AXIN1: variants seen among roughly 807,000 people sequenced by gnomAD.
The protein encoded by AXIN1 is axin-1.
Under a neutral mutation model 76.4 loss-of-function variants are expected in AXIN1, and 30 were observed. That is an observed-to-expected ratio of 0.39 (90% CI 0.29 to 0.53). The LOEUF (loss-of-function observed/expected upper bound fraction) is 0.53, where lower values mean the gene tolerates loss of function less well. AXIN1 is among the 20% of genes least tolerant of loss of function. AXIN1 has a pLI of 0.66. For synonymous variants in AXIN1, 545 were observed against 501.4 expected (o/e 1.09, Z -1.16); for missense variants, 1,140 against 1,198.8 (o/e 0.95, Z 0.72).
In AXIN1 at chr16:310,071, T is replaced by C. The variant is rs777975737; in HGVS notation, c.1020-2A>G. 6.2e-7 allele frequency: 1 copy of C among 1,607,592 alleles called. No homozygotes were observed. The highest frequency in any genetic ancestry group is 8.5e-7 in the Non-Finnish European group (1 of 1,177,512). On this transcript the variant is annotated splice_acceptor_variant, in intron 3 of 10. Transcript: ENST00000262320. LOFTEE classifies it high-confidence loss of function. ...ATCCTGTATGGGGGGATCCCATCCC[T>C]GTCCAGGAGAAAGAGGCAGCCGTTA... is the stretch of plus-strand genomic sequence containing the variant.
At chr16:314,503 T>G (rs756033619) in intron 3 of AXIN1, 40 bp downstream of exon 3, 2 of 1,612,066 alleles carry the variant, frequency 1.2e-6, no homozygotes, top group South Asian at 2.2e-5. Context: ...ACTTACACAC[T>G]GCTGTCCGTG....
chr16:292,342 G>C (rs749202236), intron 8 of AXIN1: 1 of 152,298 alleles, frequency 6.6e-6, no homozygotes, highest in Non-Finnish European at 1.5e-5. Flanking sequence ...CTTTGGGTTT[G>C]AGGTAACTGT....
At chr16:328,533 T>TA (rs1036592793) in intron 2 of AXIN1, among the ~76,000 whole-genome samples, 97 of 119,028 alleles carry the variant, frequency 8.1e-4, no homozygotes, top group African/African-American at 8.9e-4. Flanking sequence ...CCATCTCTAC[T>TA]AAAAAAAAAA....
intron 2 of AXIN1, among the ~76,000 whole-genome samples, chr16:337,007 G>A (rs1457916318): frequency 7.3e-5 from 11 of 150,496 alleles, no homozygotes; most frequent in Admixed American, 2.0e-4. Context: ...AAAATTAGCC[G>A]GGCATGGTGG....
chr16:305,544 T>G (rs1490864741), intron 4 of AXIN1, among the ~76,000 whole-genome samples: 1 of 152,122 alleles, frequency 6.6e-6, no homozygotes, highest in Admixed American at 6.5e-5. Context: ...GTTTTTGGTT[T>G]TTTTTGTTTT....
intron 9 of AXIN1, chr16:290,954 C>G (rs2052540467): frequency 1.7e-6 from 1 of 583,776 alleles, no homozygotes; most frequent in Non-Finnish European, 3.1e-6. Context: ...AGGCCTCCAG[C>G]CGGGCCTTTT....
chr16:338,349 TG>T (rs2053848687), intron 2 of AXIN1, among the ~76,000 whole-genome samples: 1 of 152,228 alleles, frequency 6.6e-6, no homozygotes, highest in South Asian at 2.1e-4. Context: ...AAACAGCTGC[TG>T]CAGGTCAGCA....
At position 327,120 on chromosome 16, in the gene AXIN1, C is replaced by T. The variant is rs1597082367; in HGVS notation, c.879-12437G>A. 2.6e-5 allele frequency among the ~76,000 whole-genome samples: 4 copies of T among 151,354 alleles called. No individual in the cohort carries two copies. The South Asian group carries it at 6.3e-4, about 24-fold the overall frequency. ...TCGCACCATTGCACTCCAACCTGGG[C>T]GACAGAGCGAGGCTCCGTCTCAAAA... On this transcript the variant is annotated intron_variant, in intron 2 of 10. Transcript: ENST00000262320.
chr16:322,056 G>A (rs990859154), intron 2 of AXIN1, among the ~76,000 whole-genome samples: 1 of 152,210 alleles, frequency 6.6e-6, no homozygotes, highest in African/African-American at 2.4e-5. Context: ...CAAGTGAGCT[G>A]GACATGAAGA....
chr16:334,020 G>A (rs1320191127), intron 2 of AXIN1, among the ~76,000 whole-genome samples: 2 of 132,958 alleles, frequency 1.5e-5, no homozygotes, highest in South Asian at 2.5e-4. Context: ...AACACAGCAC[G>A]CAGTACCACA....
intron 8 of AXIN1, chr16:292,648 C>T (rs1033643895): frequency 6.6e-6 from 1 of 152,216 alleles, no homozygotes; most frequent in African/African-American, 2.4e-5. Flanking sequence ...CCTGGGTGAG[C>T]TATAGGCTCC....
chr16:309,336 T>C (rs1401373134), intron 4 of AXIN1, among the ~76,000 whole-genome samples: 3 of 151,748 alleles, frequency 2.0e-5, no homozygotes, highest in African/African-American at 7.3e-5. Context: ...TCCCGTAACA[T>C]CTTTCCTGTT....
chr16:352,509 G>T lies in AXIN1; in HGVS notation c.-222C>A. The T allele has an allele frequency of 1.2e-6, 1 of 812,256 alleles. No individual in the cohort carries two copies. Among genetic ancestry groups the T allele is most frequent in the Non-Finnish European group, 1.5e-6 (1 of 674,922 alleles). The allele number at this position is 812,256 out of a possible 1,614,324, so 50.3% of individuals were successfully genotyped here. A position where few individuals can be genotyped will look rare whatever the true frequency, so the allele number is the denominator to read the frequency against. On this transcript the variant is annotated 5_prime_UTR_variant, in exon 1 of 11. Transcript: ENST00000262320. ...GGCGGCCCCCATCTCGGCGGCTGCG[G>T]CTCGGCGGCCCGGAGGCGGACGCGG...
chr16:309,888 C>T, intron 4 of AXIN1, 85 bp downstream of exon 4: 1 of 1,370,898 alleles, frequency 7.3e-7, no homozygotes. Flanking sequence ...GGAGGCCAGG[C>T]AAGTGCCTTT....
chr16:321,079 A>T (rs1400572388), intron 2 of AXIN1, among the ~76,000 whole-genome samples: 4 of 152,168 alleles, frequency 2.6e-5, no homozygotes, highest in Non-Finnish European at 4.4e-5. Flanking sequence ...GGTGTGACGG[A>T]TGCCACCCAG....
At chr16:347,542 C>G (rs890719538) in intron 1 of AXIN1, among the ~76,000 whole-genome samples, 1 of 152,194 alleles carries the variant, frequency 6.6e-6, no homozygotes, top group Non-Finnish European at 1.5e-5. Flanking sequence ...TGGAGACAAT[C>G]GCTCCACCAG....
At chr16:309,947 C>T (rs2141572216) in intron 4 of AXIN1, 26 bp downstream of exon 4, 4 of 1,609,788 alleles carry the variant, frequency 2.5e-6, no homozygotes, top group Non-Finnish European at 3.4e-6. Context: ...GGACGATGGG[C>T]TGAGGACCGC....
chr16:295,020 G>T (rs1273643376), intron 7 of AXIN1, among the ~76,000 whole-genome samples: 71 of 147,598 alleles, frequency 4.8e-4, no homozygotes, highest in African/African-American at 1.7e-3. Flanking sequence ...GCTGAGATCA[G>T]GCCACTGCAC....
chr16:336,749 G>A (rs34583256), intron 2 of AXIN1, among the ~76,000 whole-genome samples: 17,456 of 150,872 alleles, frequency 0.12, 1,298 homozygotes, highest in South Asian at 0.23. Flanking sequence ...CCCAGGAGGC[G>A]GAGGTTGCAG....
Sources: gnomAD v4.1 joint callset for allele counts (sites outside exome capture counted in the v4.1 genomes callset) on GRCh38, gnomAD v4.1.1 for gene constraint, MANE v1.5 for transcripts, NCBI Gene and HGNC (gene_info 2026-07-23, HGNC 2026-07-21) for gene names.